The following FAM163B variants were observed in gnomAD, a reference collection of about 807,000 sequenced individuals.
The protein encoded by FAM163B is protein FAM163B.
FAM163B carries 4 observed loss-of-function variants against 7.6 expected under a neutral mutation model. That is an observed-to-expected ratio of 0.52 (90% CI 0.26 to 1.20). FAM163B has a LOEUF of 1.20. Among genes scored for constraint, FAM163B ranks in the 50% most tolerant of loss-of-function variants. FAM163B has a pLI of 0.14. For missense variants in FAM163B, 250 were observed against 243.0 expected (o/e 1.03, Z -0.19); for synonymous variants, 120 against 111.6 (o/e 1.07, Z -0.47).
intron 1 of FAM163B, among the ~76,000 whole-genome samples, chr9:133,585,222 TG>T (rs1377108219): frequency 6.6e-6 from 1 of 152,170 alleles, no homozygotes; most frequent in Non-Finnish European, 1.5e-5. Context: ...GGCGTGGAGC[TG>T]GGGGTGGGGC....
chr9:133,606,570 C>A lies in FAM163B; in HGVS notation c.-24+2507G>T, dbSNP rs1588336132. ...CATGTGCCAGCAGGGAAGGCAGGAG[C>A]ACCCTCATTTTTGCAGATGGGGATG... On this transcript the variant is annotated intron_variant, in intron 1 of 2. Coordinates refer to ENST00000673969, the MANE Select transcript of FAM163B (RefSeq NM_001080515.3). The surrounding 1 kb of genome is among the most constrained non-coding windows in gnomAD (Gnocchi z 4.0). Among the ~76,000 whole-genome samples, 1 of 152,220 alleles carries A rather than the reference C, an allele frequency of 6.6e-6. No homozygotes were observed. Among genetic ancestry groups the A allele is most frequent in the South Asian group, 2.1e-4 (1 of 4,832 alleles).
At chr9:133,607,234 G>A (rs895457487) in intron 1 of FAM163B, among the ~76,000 whole-genome samples, 1 of 152,188 alleles carries the variant, frequency 6.6e-6, no homozygotes, top group Non-Finnish European at 1.5e-5. Flanking sequence ...GGGAGACTGA[G>A]GTCTAGAGAG....
chr9:133,604,262 C>T (rs1414724013), intron 1 of FAM163B, among the ~76,000 whole-genome samples: 1 of 152,212 alleles, frequency 6.6e-6, no homozygotes, highest in African/African-American at 2.4e-5. Context: ...CTGTGGATGG[C>T]CTACATGACT....
chr9:133,595,471 C>T (rs1443698844), intron 1 of FAM163B, among the ~76,000 whole-genome samples: 1 of 152,234 alleles, frequency 6.6e-6, no homozygotes, highest in East Asian at 1.9e-4. Flanking sequence ...TTTTAACAAG[C>T]ATCTGGTGCT....
At chr9:133,604,777 C>G (rs1459037958) in intron 1 of FAM163B, among the ~76,000 whole-genome samples, 1 of 152,086 alleles carries the variant, frequency 6.6e-6, no homozygotes, top group Non-Finnish European at 1.5e-5. Context: ...GCTGCTGCTG[C>G]TGGTCCCCGA....
rs1831298996 is a variant in FAM163B, at chr9:133,579,005, C to T, written c.*17G>A. ...TCTCAGGACCTTCAAGGCCAGGATC[C>T]CGGGGGCGGGCCCAGGTCACACGTC... On this transcript the variant is annotated 3_prime_UTR_variant, in exon 3 of 3. Coordinates refer to ENST00000673969, the MANE Select transcript of FAM163B (RefSeq NM_001080515.3). 1.3e-6 allele frequency: 2 copies of T among 1,485,458 alleles called. No homozygotes were observed. Among genetic ancestry groups the T allele is most frequent in the South Asian group, 2.7e-5 (2 of 74,972 alleles). 92.0% of individuals were successfully genotyped at this position (1,485,458 alleles called of 1,614,324 possible).
intron 1 of FAM163B, among the ~76,000 whole-genome samples, chr9:133,584,725 G>T (rs1831407370): frequency 6.6e-6 from 1 of 152,220 alleles, no homozygotes; most frequent in African/African-American, 2.4e-5. Flanking sequence ...GAGCCGGGCT[G>T]TGAAGGATGG....
intron 1 of FAM163B, among the ~76,000 whole-genome samples, chr9:133,585,125 C>G (rs936159333): frequency 1.3e-5 from 2 of 152,224 alleles, no homozygotes; most frequent in African/African-American, 4.8e-5. Context: ...TCTGAGGGCC[C>G]CATCTCGTCT....
chr9:133,584,149 C>G (rs1831397958), intron 1 of FAM163B, among the ~76,000 whole-genome samples: 1 of 152,164 alleles, frequency 6.6e-6, no homozygotes, highest in South Asian at 2.1e-4. Flanking sequence ...TTCAAAACTT[C>G]AAACGCCAGA....
chr9:133,599,474 G>A (rs571712606), intron 1 of FAM163B, among the ~76,000 whole-genome samples: 8 of 152,254 alleles, frequency 5.3e-5, no homozygotes, highest in Admixed American at 5.2e-4. Context: ...GGGTATCTGT[G>A]TCTATGTGTG....
At chr9:133,602,530 C>T (rs1831743080) in intron 1 of FAM163B, among the ~76,000 whole-genome samples, 1 of 152,110 alleles carries the variant, frequency 6.6e-6, no homozygotes, top group Non-Finnish European at 1.5e-5. Flanking sequence ...CAGCAGCGAA[C>T]AGGACGGCTC....
chr9:133,590,093 CCCCTTCCCCTT>C (rs1405262879), intron 1 of FAM163B, among the ~76,000 whole-genome samples: 778 of 23,482 alleles, frequency 0.033, 92 homozygotes, highest in African/African-American at 0.048. Flanking sequence ...CCCTTCCCTT[CCCCTTCCCCTT>C]CCCTTCCCCT....
At position 133,599,527 on chromosome 9, in the gene FAM163B, GTGTC is replaced by G. The variant is rs1334620970; in HGVS notation, c.-24+9546_-24+9549del. Among the ~76,000 whole-genome samples, 7 of 152,220 alleles carry G rather than the reference GTGTC, an allele frequency of 4.6e-5. No individual in the cohort carries two copies. The East Asian group carries it at 7.7e-4, about 17-fold the overall frequency. On this transcript the variant is annotated intron_variant, in intron 1 of 2. Transcript: ENST00000673969. ...TGTGTATGTGTGCATGCATATGTAT[GTGTC>G]TGTGTGCATGTGTTGAGTGTGTGCA...
chr9:133,598,420 AAAC>A (rs1376686083), intron 1 of FAM163B, among the ~76,000 whole-genome samples: 3 of 151,974 alleles, frequency 2.0e-5, no homozygotes, highest in Non-Finnish European at 2.9e-5. Flanking sequence ...GAAAAAAAAA[AAAC>A]AACAAACCAA....
chr9:133,590,230 TTCTCTCTCCTTCCTTCCTTC>T (rs1332252199), intron 1 of FAM163B, among the ~76,000 whole-genome samples: 1 of 144,806 alleles, frequency 6.9e-6, no homozygotes, highest in Non-Finnish European at 1.5e-5. Context: ...CCTTCCTTCC[TTCTCTCTCCTTCCTTCCTTC>T]TCTCTCTCCT....
In FAM163B at chr9:133,579,108, CGAAG is replaced by C. The variant is rs1304831098; in HGVS notation, c.411_414del (p.Phe138GlyfsTer39). On this transcript the variant is annotated frameshift_variant, in exon 3 of 3. Coordinates refer to ENST00000673969, the MANE Select transcript of FAM163B (RefSeq NM_001080515.3). LOFTEE classifies it high-confidence loss of function. The stretch of plus-strand genomic sequence containing the variant: ...TTGGGGTTGAGCGCCTGCAGGCCCC[CGAAG>C]CCCCCCGGGGGCAGCTCCACGTCCT... The C allele has an allele frequency of 6.2e-7, 1 of 1,604,704 alleles. No individual in the cohort carries two copies. The highest frequency in any genetic ancestry group is 8.5e-7 in the Non-Finnish European group (1 of 1,178,332).
chr9:133,579,112 G>GC lies in FAM163B; in HGVS notation c.410dup (p.Phe138LeufsTer88), dbSNP rs781724280. ...GGTTGAGCGCCTGCAGGCCCCCGAA[G>GC]CCCCCCGGGGGCAGCTCCACGTCCT... On this transcript the variant is annotated frameshift_variant, in exon 3 of 3. Transcript: ENST00000673969. LOFTEE classifies it high-confidence loss of function. 6.2e-6 allele frequency: 10 copies of GC among 1,606,158 alleles called. No individual in the cohort carries two copies. The highest frequency in any genetic ancestry group is 1.1e-5 in the South Asian group (1 of 90,716).
intron 1 of FAM163B, among the ~76,000 whole-genome samples, chr9:133,599,811 GTGTATATGTGCATGAA>G (rs1831688573): frequency 6.6e-6 from 1 of 150,902 alleles, no homozygotes; most frequent in Non-Finnish European, 1.5e-5. Flanking sequence ...GTGTGCATGT[GTGTATATGTGCATGAA>G]TGTGTGTCTG....
intron 1 of FAM163B, among the ~76,000 whole-genome samples, chr9:133,583,843 G>A (rs1831392361): frequency 1.3e-5 from 2 of 152,246 alleles, no homozygotes; most frequent in Non-Finnish European, 2.9e-5. Flanking sequence ...CACGCCTGCC[G>A]AGGAGCAGCA....
Sources: allele counts gnomAD v4.1 joint callset (sites outside exome capture counted in the v4.1 genomes callset), GRCh38; gene constraint gnomAD v4.1.1; non-coding constraint Gnocchi (gnomAD v3.1); transcripts MANE v1.5; gene names NCBI Gene and HGNC (gene_info 2026-07-23, HGNC 2026-07-21).